Variants in CHD9 observed in about 807,000 individuals in gnomAD.
The protein encoded by CHD9 is chromodomain helicase DNA binding protein 9, also known as ATP-dependent chromatin remodeler CHD9.
A neutral mutation model predicts 316.1 loss-of-function variants in CHD9; 77 were observed. The ratio of observed to expected loss-of-function variants is 0.24; its 90% CI spans 0.20 to 0.29. CHD9 has a LOEUF of 0.29. CHD9 is among the 10% of genes least tolerant of loss of function. The probability of loss-of-function intolerance (pLI) is 1.00; values close to 1 mark genes in which losing one functional copy is unlikely to be tolerated. For missense variants in CHD9, 2,763 were observed against 3,438.1 expected (o/e 0.80, Z 4.91); for synonymous variants, 1,129 against 1,158.3 (o/e 0.97, Z 0.51).
At chr16:53,288,496 G>A (rs1018553417) in intron 27 of CHD9, among the ~76,000 whole-genome samples, 5 of 152,204 alleles carry the variant, frequency 3.3e-5, no homozygotes. Flanking sequence ...AAAATAATCT[G>A]TAGAGTGGGG....
At chr16:53,304,875 G>A (rs2055810552) in intron 31 of CHD9, among the ~76,000 whole-genome samples, 3 of 150,208 alleles carry the variant, frequency 2.0e-5, no homozygotes, top group South Asian at 4.2e-4. Context: ...TGTATTTTTA[G>A]TAGAGACGGG....
rs544084837 is a variant in CHD9 at position 53,183,889 on chromosome 16, A to G, written c.1453-25593A>G. On this transcript the variant is annotated intron_variant, in intron 2 of 38. Transcript: ENST00000447540. Reference sequence around the variant, plus strand: ...TAGTGTCCTCATTCATAAAATGTGGATAATATTGGTACCATCCACACAAGA... The same window carrying G: ...TAGTGTCCTCATTCATAAAATGTGGGTAATATTGGTACCATCCACACAAGA... Among the ~76,000 whole-genome samples the G allele has an allele frequency of 2.6e-5, 4 of 152,220 alleles. No individual in the cohort carries two copies. The East Asian group carries it at 7.7e-4, about 29-fold the overall frequency.
chr16:53,151,139 G>T (rs2041070032), intron 1 of CHD9, among the ~76,000 whole-genome samples: 1 of 148,770 alleles, frequency 6.7e-6, no homozygotes, highest in African/African-American at 2.5e-5. Context: ...GTTTTTTTAG[G>T]CTTGATTCAC....
chr16:53,254,720 C>A (rs2050432302), intron 18 of CHD9, 115 bp downstream of exon 18: 1 of 853,046 alleles, frequency 1.2e-6, no homozygotes, highest in Non-Finnish European at 1.7e-6. Flanking sequence ...CATTTGTTTT[C>A]TGCAGGGGAA....
chr16:53,178,687 T>C (rs1259963457), intron 2 of CHD9, among the ~76,000 whole-genome samples: 1 of 152,172 alleles, frequency 6.6e-6, no homozygotes, highest in African/African-American at 2.4e-5. Context: ...TATCTTGAAC[T>C]CCTGGGCTCA....
At chr16:53,267,519 A>G (rs2051812453) in intron 21 of CHD9, 29 bp downstream of exon 21, 1 of 1,488,984 alleles carries the variant, frequency 6.7e-7, no homozygotes, top group Non-Finnish European at 9.2e-7. Flanking sequence ...TGTTTGCTCT[A>G]AGTAGTCTGG....
At chr16:53,295,667 A>C (rs1162261887) in intron 29 of CHD9, among the ~76,000 whole-genome samples, 1 of 152,250 alleles carries the variant, frequency 6.6e-6, no homozygotes, top group African/African-American at 2.4e-5. Flanking sequence ...CTTATTACCC[A>C]GATTTAATGA....
intron 1 of CHD9, among the ~76,000 whole-genome samples, chr16:53,138,482 C>T (rs1156949920): frequency 1.3e-5 from 2 of 152,008 alleles, no homozygotes; most frequent in Admixed American, 6.6e-5. Context: ...GAAGGAAAGC[C>T]ATAGGGAAGA....
chr16:53,316,255 C>T (rs866580740), intron 36 of CHD9, among the ~76,000 whole-genome samples: 56 of 152,286 alleles, frequency 3.7e-4, no homozygotes, highest in African/African-American at 1.3e-3. Context: ...CTGAGTTGAA[C>T]ACTGTAACTT....
At chr16:53,085,452 C>T (rs1416892410) in intron 1 of CHD9, among the ~76,000 whole-genome samples, 1 of 152,078 alleles carries the variant, frequency 6.6e-6, no homozygotes, top group African/African-American at 2.4e-5. Context: ...GACCTTCTAT[C>T]CCCTGGGCTC....
chr16:53,286,714 T>G (rs1388450142), intron 26 of CHD9, among the ~76,000 whole-genome samples: 1 of 152,032 alleles, frequency 6.6e-6, no homozygotes, highest in Admixed American at 6.6e-5. Context: ...CCATGGGGGA[T>G]TTTGGTATTC....
intron 1 of CHD9, among the ~76,000 whole-genome samples, chr16:53,109,461 T>C (rs1229608797): frequency 6.6e-6 from 1 of 152,000 alleles, no homozygotes. Context: ...GCCTCCCATA[T>C]AGCTGGGACT....
chr16:53,110,498 C>T (rs2037780997), intron 1 of CHD9, among the ~76,000 whole-genome samples: 4 of 152,282 alleles, frequency 2.6e-5, no homozygotes, highest in South Asian at 2.1e-4. Context: ...CCGTAGCTCA[C>T]GCCTGTAATC....
At chr16:53,309,699 C>G (rs1193962197) in intron 34 of CHD9, among the ~76,000 whole-genome samples, 1 of 152,132 alleles carries the variant, frequency 6.6e-6, no homozygotes, top group Non-Finnish European at 1.5e-5. Context: ...AACTCCTGAC[C>G]TCAAACGATC....
intron 26 of CHD9, 116 bp downstream of exon 26, chr16:53,286,459 T>C: frequency 1.6e-6 from 1 of 613,536 alleles, no homozygotes; most frequent in Middle Eastern, 2.7e-4. Flanking sequence ...AATTGGAGTT[T>C]ACAATCTGAA....
At chr16:53,250,104 T>A (rs768093619) in intron 17 of CHD9, 38 bp downstream of exon 17, 86 of 1,454,374 alleles carry the variant, frequency 5.9e-5, no homozygotes, top group Non-Finnish European at 7.1e-5. Context: ...ATGCATTTTT[T>A]AAAAAAGTAA....
intron 20 of CHD9, among the ~76,000 whole-genome samples, chr16:53,264,761 A>G (rs2051488313): frequency 6.6e-6 from 1 of 152,154 alleles, no homozygotes; most frequent in African/African-American, 2.4e-5. Context: ...GAGCCAATAC[A>G]CTGTAATGTC....
At chr16:53,259,183 A>G (rs557538992) in intron 19 of CHD9, among the ~76,000 whole-genome samples, 2 of 152,194 alleles carry the variant, frequency 1.3e-5, no homozygotes, top group African/African-American at 2.4e-5. Context: ...CATGTAAGCT[A>G]TCTTGTAAAT....
chr16:53,070,457 G>A (rs1401350152), intron 1 of CHD9, among the ~76,000 whole-genome samples: 1 of 151,224 alleles, frequency 6.6e-6, no homozygotes, highest in Non-Finnish European at 1.5e-5. Flanking sequence ...TCATTTTTTT[G>A]CACGAGTAGC....
Sources: allele counts gnomAD v4.1 joint callset (sites outside exome capture counted in the v4.1 genomes callset), GRCh38; gene constraint gnomAD v4.1.1; transcripts MANE v1.5; gene names NCBI Gene and HGNC (gene_info 2026-07-23, HGNC 2026-07-21).